Variants in LRRC7 observed in about 807,000 individuals in gnomAD.
LRRC7 encodes leucine rich repeat containing 7.
Under a neutral mutation model 175.7 loss-of-function variants are expected in LRRC7, and 23 were observed. That is an observed-to-expected ratio of 0.13 (90% CI 0.09 to 0.19). The LOEUF is 0.19. Ranked by LOEUF, LRRC7 falls within the 10% of genes least tolerant of loss-of-function variation. The pLI, the probability that LRRC7 is intolerant of heterozygous loss-of-function variation, is 1.00. For synonymous variants in LRRC7, 685 were observed against 680.9 expected (o/e 1.01, Z -0.09); for missense variants, 1,354 against 1,904.7 (o/e 0.71, Z 5.38).
chr1:69,871,226 G>A (rs1685499170), intron 7 of LRRC7, among the ~76,000 whole-genome samples: 1 of 152,078 alleles, frequency 6.6e-6, no homozygotes, highest in African/African-American at 2.4e-5. Flanking sequence ...ATTGTATGCT[G>A]TAATACCTTA....
At chr1:69,617,644 A>C (rs1649878633) in intron 1 of LRRC7, among the ~76,000 whole-genome samples, 1 of 150,872 alleles carries the variant, frequency 6.6e-6, no homozygotes, top group Non-Finnish European at 1.5e-5. Flanking sequence ...TGTAGGACTC[A>C]GCATCTGGGC....
chr1:69,932,222 C>T (rs577357702), intron 8 of LRRC7, among the ~76,000 whole-genome samples: 2 of 152,292 alleles, frequency 1.3e-5, no homozygotes, highest in Non-Finnish European at 2.9e-5. Flanking sequence ...AAGTCTTCCA[C>T]TTGAATATCT....
intron 7 of LRRC7, chr1:69,919,572 G>T: frequency 1.2e-6 from 1 of 800,828 alleles, no homozygotes; most frequent in East Asian, 2.5e-5. Context: ...TCGACCTGGC[G>T]GCAGGAAATC....
In LRRC7 at chr1:70,038,610, G is replaced by A. The variant is rs753775702; in HGVS notation, c.2786G>A (p.Gly929Asp). 6.2e-7 allele frequency: 1 copy of A among 1,613,990 alleles called. No individual in the cohort carries two copies. Among genetic ancestry groups the A allele is most frequent in the Non-Finnish European group, 8.5e-7 (1 of 1,179,960 alleles). The change falls in exon 21 of 27, where the codon GGC becomes GAC. Residue 929 changes from glycine to aspartate, a missense_variant. Around this residue, in one of 4 missense-constraint regions of LRRC7, gnomAD observed 1,032 missense variants for 1,227.2 expected, o/e 0.84. Transcript: ENST00000651989. ...GAAATACCTAGTCCTTTTTCTCCAG[G>A]CGTACCATGGGAGTATCATGATTCC... ...STEIPSPFSP[G>D]VPWEYHDSNP...
intron 4 of LRRC7, among the ~76,000 whole-genome samples, chr1:69,792,883 C>G (rs1675284917): frequency 1.3e-5 from 2 of 152,012 alleles, no homozygotes. Flanking sequence ...CAGAAAGTCT[C>G]TTGCATCCTT....
chr1:69,966,448 A>G (rs1651673248), intron 8 of LRRC7, among the ~76,000 whole-genome samples: 2 of 152,218 alleles, frequency 1.3e-5, no homozygotes, highest in Admixed American at 1.3e-4. Flanking sequence ...CATTAGTAAC[A>G]TTTCTCTTAA....
intron 1 of LRRC7, among the ~76,000 whole-genome samples, chr1:69,591,382 G>A (rs1646628054): frequency 6.6e-6 from 1 of 152,018 alleles, no homozygotes; most frequent in South Asian, 2.1e-4. Context: ...TAAAAAGGGT[G>A]GGAATAAGAA....
chr1:69,601,996 C>T (rs1647093150), intron 1 of LRRC7, among the ~76,000 whole-genome samples: 1 of 152,034 alleles, frequency 6.6e-6, no homozygotes, highest in African/African-American at 2.4e-5. Flanking sequence ...GTATGTAACT[C>T]CAACAATGTA....
chr1:69,793,640 T>C (rs1369300105), intron 4 of LRRC7, among the ~76,000 whole-genome samples: 1 of 152,148 alleles, frequency 6.6e-6, no homozygotes, highest in East Asian at 1.9e-4. Context: ...CTCTTTTTTT[T>C]TTCTTATATG....
At chr1:70,006,917 G>C (rs546264461) in intron 11 of LRRC7, among the ~76,000 whole-genome samples, 1 of 152,180 alleles carries the variant, frequency 6.6e-6, no homozygotes, top group Non-Finnish European at 1.5e-5. Context: ...CAAAAGGAAA[G>C]GTGTGTGAGA....
chr1:70,095,595 T>C (rs1664329243), intron 25 of LRRC7, among the ~76,000 whole-genome samples: 1 of 152,186 alleles, frequency 6.6e-6, no homozygotes, highest in Non-Finnish European at 1.5e-5. Flanking sequence ...TATGGTAGCA[T>C]GCTTTAGCCA....
At chr1:69,716,949 G>GA (rs1665422436) in intron 2 of LRRC7, among the ~76,000 whole-genome samples, 1 of 151,640 alleles carries the variant, frequency 6.6e-6, no homozygotes, top group Non-Finnish European at 1.5e-5. Flanking sequence ...AATAAAATCA[G>GA]AAAATACTAA....
At chr1:69,717,927 GAA>G (rs1302253106) in intron 2 of LRRC7, among the ~76,000 whole-genome samples, 1 of 9,102 alleles carries the variant, frequency 1.1e-4, no homozygotes, top group Non-Finnish European at 1.8e-4. Context: ...GAGAAAAAAA[GAA>G]AAGAAAGAAA....
intron 4 of LRRC7, among the ~76,000 whole-genome samples, chr1:69,819,607 GTGTGTGTGTA>G (rs1679030355): frequency 6.8e-6 from 1 of 148,130 alleles, no homozygotes; most frequent in African/African-American, 2.6e-5. Context: ...GTGTGTGTGT[GTGTGTGTGTA>G]TCTGCATAAT....
At chr1:69,908,000 G>A (rs1028606529) in intron 7 of LRRC7, among the ~76,000 whole-genome samples, 11 of 152,190 alleles carry the variant, frequency 7.2e-5, no homozygotes, top group African/African-American at 2.4e-4. Flanking sequence ...GAGGGTGTAT[G>A]TGTCGAGGAA....
At chr1:69,875,235 A>G (rs2101593600) in intron 7 of LRRC7, among the ~76,000 whole-genome samples, 1 of 152,204 alleles carries the variant, frequency 6.6e-6, no homozygotes, top group East Asian at 1.9e-4. Context: ...ACCTTTCATT[A>G]TTAAAGCTTA....
chr1:70,066,787 A>G (rs577024372), intron 23 of LRRC7, among the ~76,000 whole-genome samples: 1 of 152,172 alleles, frequency 6.6e-6, no homozygotes, highest in African/African-American at 2.4e-5. Flanking sequence ...TTGCATGTTC[A>G]ATTTGTAAAG....
intron 7 of LRRC7, among the ~76,000 whole-genome samples, chr1:69,868,141 T>A (rs1685133673): frequency 6.6e-6 from 1 of 152,064 alleles, no homozygotes; most frequent in Non-Finnish European, 1.5e-5. Flanking sequence ...TGGACTATAT[T>A]ATGAAGCCAT....
At chr1:69,939,037 A>ATATATATC (rs1557911148) in intron 8 of LRRC7, among the ~76,000 whole-genome samples, 2 of 80,938 alleles carry the variant, frequency 2.5e-5, no homozygotes, top group African/African-American at 7.7e-5. Context: ...ATATCTATAT[A>ATATATATC]TATCTATATC....
Sources: allele counts gnomAD v4.1 joint callset (sites outside exome capture counted in the v4.1 genomes callset), GRCh38; gene constraint gnomAD v4.1.1; regional missense constraint gnomAD v4.1.1; transcripts MANE v1.5; gene names NCBI Gene and HGNC (gene_info 2026-07-23, HGNC 2026-07-21).